Variants in GNG12 observed in about 807,000 individuals in gnomAD.
GNG12 encodes the protein G protein subunit gamma 12.
For synonymous variants in GNG12, 28 were observed against 29.7 expected (o/e 0.94, Z 0.19); for missense variants, 69 against 83.8 (o/e 0.82, Z 0.69).
chr1:67,807,498 G>GA (rs951142889), intron 1 of GNG12, among the ~76,000 whole-genome samples: 13 of 148,160 alleles, frequency 8.8e-5, no homozygotes, highest in African/African-American at 2.2e-4. Context: ...AAATTAAACA[G>GA]AAAAAAAAAT....
At chr1:67,739,979 T>C (rs1239523220) in intron 2 of GNG12, among the ~76,000 whole-genome samples, 1 of 152,238 alleles carries the variant, frequency 6.6e-6, no homozygotes, top group African/African-American at 2.4e-5. Context: ...TTCACTACAG[T>C]ATTATTTAAC....
intron 2 of GNG12, among the ~76,000 whole-genome samples, chr1:67,713,538 C>A (rs1646308235): frequency 1.3e-5 from 2 of 152,034 alleles, no homozygotes; most frequent in Non-Finnish European, 2.9e-5. Flanking sequence ...GAGGAAGGCA[C>A]CAGGAAGCCC....
intron 2 of GNG12, among the ~76,000 whole-genome samples, chr1:67,762,970 A>G (rs1328899026): frequency 6.6e-6 from 1 of 152,110 alleles, no homozygotes; most frequent in Non-Finnish European, 1.5e-5. Context: ...AGTCTTTATA[A>G]GCATCATGTT....
intron 1 of GNG12, among the ~76,000 whole-genome samples, chr1:67,788,136 ATT>A (rs1646780792): frequency 6.6e-6 from 1 of 152,156 alleles, no homozygotes; most frequent in South Asian, 2.1e-4. Flanking sequence ...CTCCTATATA[ATT>A]TGCCATAATT....
At chr1:67,815,340 C>T (rs11209160) in intron 1 of GNG12, among the ~76,000 whole-genome samples, 1,624 of 152,272 alleles carry the variant, frequency 0.011, 29 homozygotes, top group African/African-American at 0.037. Flanking sequence ...AGTCAAAATT[C>T]AATAGCCTAC....
At chr1:67,748,519 G>A in intron 2 of GNG12, among the ~76,000 whole-genome samples, 1 of 152,154 alleles carries the variant, frequency 6.6e-6, no homozygotes, top group East Asian at 1.9e-4. Context: ...ATCGTGCTTG[G>A]GGGGATAAGA....
intron 2 of GNG12, among the ~76,000 whole-genome samples, chr1:67,755,556 G>A (rs1045481709): frequency 3.9e-5 from 6 of 152,286 alleles, no homozygotes; most frequent in Middle Eastern, 3.4e-3. Flanking sequence ...CTCACAACCT[G>A]TAGATGGGCC....
At chr1:67,764,017 A>G (rs1406792096) in intron 2 of GNG12, among the ~76,000 whole-genome samples, 2 of 152,240 alleles carry the variant, frequency 1.3e-5, no homozygotes, top group East Asian at 3.9e-4. Context: ...TGCTCCTGTC[A>G]TGCCTCTGAA....
intron 2 of GNG12, among the ~76,000 whole-genome samples, chr1:67,736,514 C>T (rs1415190678): frequency 3.3e-5 from 5 of 152,292 alleles, no homozygotes; most frequent in Non-Finnish European, 5.9e-5. Context: ...GCTGGGGCCA[C>T]GGCCCAGCTG....
intron 2 of GNG12, among the ~76,000 whole-genome samples, chr1:67,749,036 T>A (rs1238259989): frequency 5.3e-5 from 8 of 151,634 alleles, no homozygotes; most frequent in Admixed American, 5.2e-4. Flanking sequence ...CTCTTCCCAC[T>A]CCCCTGGAGG....
chr1:67,757,159 C>T (rs1202762305), intron 2 of GNG12, among the ~76,000 whole-genome samples: 1 of 152,168 alleles, frequency 6.6e-6, no homozygotes, highest in Non-Finnish European at 1.5e-5. Flanking sequence ...ATTTATGTTG[C>T]ATATAGGCCT....
At chr1:67,820,483 CGA>C (rs1252415208) in intron 1 of GNG12, among the ~76,000 whole-genome samples, 2 of 152,016 alleles carry the variant, frequency 1.3e-5, no homozygotes, top group Non-Finnish European at 2.9e-5. Flanking sequence ...CATCCAAGTA[CGA>C]GAGAGACAAC....
intron 1 of GNG12, among the ~76,000 whole-genome samples, chr1:67,807,918 T>C (rs975697703): frequency 2.0e-5 from 3 of 152,150 alleles, no homozygotes; most frequent in African/African-American, 7.2e-5. Flanking sequence ...CTAGAATCTC[T>C]TGCAGAAGAC....
At chr1:67,779,274 C>T (rs1646723858) in intron 1 of GNG12, among the ~76,000 whole-genome samples, 1 of 152,134 alleles carries the variant, frequency 6.6e-6, no homozygotes, top group African/African-American at 2.4e-5. Flanking sequence ...AAAATCAGAC[C>T]CCCACATGTG....
chr1:67,819,631 G>A (rs1646973900), intron 1 of GNG12, among the ~76,000 whole-genome samples: 1 of 152,124 alleles, frequency 6.6e-6, no homozygotes, highest in African/African-American at 2.4e-5. Flanking sequence ...ATTCTTATTT[G>A]CATTTTCATT....
intron 3 of GNG12, among the ~76,000 whole-genome samples, chr1:67,706,822 G>A (rs1366418659): frequency 6.6e-6 from 1 of 151,952 alleles, no homozygotes; most frequent in East Asian, 1.9e-4. Context: ...ACCGTGCCTG[G>A]CTAATTTTGT....
chr1:67,811,914 C>T (rs536313600), intron 1 of GNG12, among the ~76,000 whole-genome samples: 1 of 152,168 alleles, frequency 6.6e-6, no homozygotes, highest in African/African-American at 2.4e-5. Context: ...TATTTGTTTA[C>T]GGAAGAACAT....
chr1:67,812,433 T>C (rs759503762), intron 1 of GNG12, among the ~76,000 whole-genome samples: 6 of 152,210 alleles, frequency 3.9e-5, no homozygotes, highest in African/African-American at 1.4e-4. Context: ...TAAAGGTCAC[T>C]GATAATCACT....
At chr1:67,828,980 T>A (rs893388723) in intron 1 of GNG12, among the ~76,000 whole-genome samples, 14 of 152,384 alleles carry the variant, frequency 9.2e-5, no homozygotes, top group Non-Finnish European at 1.8e-4. Flanking sequence ...CCAGATTTGT[T>A]TTTTAGTAAC....
Sources: gnomAD v4.1 joint callset for allele counts (sites outside exome capture counted in the v4.1 genomes callset) on GRCh38, gnomAD v4.1.1 for gene constraint, MANE v1.5 for transcripts, NCBI Gene and HGNC (gene_info 2026-07-23, HGNC 2026-07-21) for gene names.